RECK: variants seen among roughly 807,000 people sequenced by gnomAD.
RECK encodes the protein reversion-inducing cysteine-rich protein with Kazal motifs.
In RECK, 69 loss-of-function variants were observed where a neutral mutation model predicts 115.1. That is an observed-to-expected ratio of 0.60 (90% confidence interval 0.49 to 0.73). The LOEUF is 0.73. RECK is among the 30% of genes least tolerant of loss of function. The pLI is 0.00. For synonymous variants in RECK, 414 were observed against 419.7 expected (o/e 0.99, Z 0.17); for missense variants, 1,047 against 1,203.7 (o/e 0.87, Z 1.93).
chr9:36,037,205 G>T, intron 1 of RECK, 107 bp downstream of exon 1: 1 of 474,188 alleles, frequency 2.1e-6, no homozygotes, highest in East Asian at 6.5e-5. Flanking sequence ...CCCAGACCCT[G>T]CCCACGTCCG....
Position 36,068,527 on chromosome 9 carries a change from G to A in RECK, c.405+2903G>A, listed in dbSNP as rs556411551. Among the ~76,000 whole-genome samples the A allele has an allele frequency of 2.0e-4, 31 of 152,294 alleles. No homozygotes were observed. In the East Asian group the frequency reaches 3.5e-3, roughly 17 times the overall value. ...GATGAATTTGCTGGAAAGAAAATACGGAATGCTCAAGCCAAAAACTAAATG... is the reference window on the plus strand; with the variant it reads ...GATGAATTTGCTGGAAAGAAAATACAGAATGCTCAAGCCAAAAACTAAATG... On this transcript the variant is annotated intron_variant, in intron 6 of 20. Transcript: ENST00000377966.
At chr9:36,099,885 A>C (rs1823498296) in intron 10 of RECK, among the ~76,000 whole-genome samples, 1 of 152,170 alleles carries the variant, frequency 6.6e-6, no homozygotes, top group Non-Finnish European at 1.5e-5. Context: ...GGCACAAGGG[A>C]ACTGGCTGAA....
chr9:36,112,174 C>A, intron 15 of RECK, 131 bp from the exon 16 acceptor site: 1 of 558,206 alleles, frequency 1.8e-6, no homozygotes, highest in African/African-American at 2.0e-5. Context: ...GAAGGTTTTT[C>A]CTGACTTAAT....
chr9:36,051,605 T>C (rs1008869563), intron 1 of RECK, among the ~76,000 whole-genome samples: 2 of 152,224 alleles, frequency 1.3e-5, no homozygotes, highest in African/African-American at 4.8e-5. Context: ...ACGGTTAACC[T>C]GCCTTTCTGA....
intron 10 of RECK, among the ~76,000 whole-genome samples, chr9:36,097,716 G>C (rs1823407711): frequency 6.6e-6 from 1 of 152,116 alleles, no homozygotes; most frequent in Non-Finnish European, 1.5e-5. Context: ...GTGTTGAAGA[G>C]ATATTTCACT....
intron 6 of RECK, among the ~76,000 whole-genome samples, chr9:36,074,241 T>C (rs1459536569): frequency 6.6e-6 from 1 of 152,230 alleles, no homozygotes; most frequent in African/African-American, 2.4e-5. Context: ...TATGTTTACA[T>C]GTCTCTTTTT....
In RECK at chr9:36,110,028, C is replaced by T. The variant is rs761568638; in HGVS notation, c.1837C>T (p.Arg613Cys). Residue 613 changes from arginine (R) to cysteine (C), a missense_variant, in exon 15 of 21, where the codon CGC becomes TGC. Transcript: ENST00000377966. ...CFAGNLVCST[R>C]LCLSEHSSED... ...TGCTGGCAATTTGGTGTGCTCTACC[C>T]GCCTTTGCCTCAGTGAGCACAGTTC... 2.5e-6 allele frequency: 4 copies of T among 1,613,790 alleles called. No individual in the cohort carries two copies. The highest frequency in any genetic ancestry group is 1.7e-5 in the Admixed American group (1 of 59,990).
At chr9:36,117,214 G>A (rs537046601) in intron 17 of RECK, 37 bp downstream of exon 17, 22 of 1,487,954 alleles carry the variant, frequency 1.5e-5, no homozygotes, top group Middle Eastern at 1.8e-4. Context: ...AGTACACTAC[G>A]GATAAAATTG....
intron 1 of RECK, 151 bp downstream of exon 1, chr9:36,037,249 A>C (rs902907063): frequency 1.4e-5 from 6 of 433,846 alleles, no homozygotes; most frequent in African/African-American, 8.3e-5. Context: ...AGCGCTCCAG[A>C]GGCTGGTGCC....
intron 1 of RECK, among the ~76,000 whole-genome samples, chr9:36,050,653 AG>A (rs1474180479): frequency 6.6e-6 from 1 of 152,158 alleles, no homozygotes; most frequent in Non-Finnish European, 1.5e-5. Context: ...TCAGAGTAAA[AG>A]CCAAAGTTCT....
chr9:36,049,954 C>G (rs1821221161), intron 1 of RECK, among the ~76,000 whole-genome samples: 1 of 151,686 alleles, frequency 6.6e-6, no homozygotes, highest in African/African-American at 2.4e-5. Context: ...TGGTTAACAT[C>G]TTCTTGAAAC....
chr9:36,111,477 T>C (rs1292750981), intron 15 of RECK, among the ~76,000 whole-genome samples: 1 of 152,150 alleles, frequency 6.6e-6, no homozygotes, highest in Non-Finnish European at 1.5e-5. Context: ...CACCACAAAC[T>C]CCGCCTCCTG....
intron 2 of RECK, among the ~76,000 whole-genome samples, chr9:36,058,499 T>C (rs1261448662): frequency 2.0e-5 from 2 of 98,078 alleles, no homozygotes. Flanking sequence ...CTGGGGACTG[T>C]TGTGGGGTGG....
At chr9:36,045,407 T>G (rs1821032959) in intron 1 of RECK, among the ~76,000 whole-genome samples, 1 of 152,256 alleles carries the variant, frequency 6.6e-6, no homozygotes, top group South Asian at 2.1e-4. Context: ...TTAAATTAAT[T>G]TTTTAAATTT....
At chr9:36,102,437 T>G (rs573182253) in intron 12 of RECK, among the ~76,000 whole-genome samples, 2 of 152,298 alleles carry the variant, frequency 1.3e-5, no homozygotes, top group South Asian at 4.1e-4. Context: ...AGTGATTCTA[T>G]CAGTCTGAGG....
At chr9:36,045,935 A>C (rs1005229331) in intron 1 of RECK, among the ~76,000 whole-genome samples, 10 of 152,124 alleles carry the variant, frequency 6.6e-5, no homozygotes, top group South Asian at 2.1e-4. Flanking sequence ...TCTTAAGCCC[A>C]AAAAATGTGG....
intron 1 of RECK, among the ~76,000 whole-genome samples, chr9:36,043,134 C>T (rs1351357128): frequency 4.8e-5 from 7 of 145,104 alleles, no homozygotes; most frequent in African/African-American, 1.8e-4. Context: ...ACGCCATTCT[C>T]CTGCCTCAGC....
intron 1 of RECK, among the ~76,000 whole-genome samples, chr9:36,043,863 G>C (rs1304491708): frequency 6.6e-6 from 1 of 152,052 alleles, no homozygotes; most frequent in African/African-American, 2.4e-5. Flanking sequence ...TCTCTATTCT[G>C]TTCCTATGTG....
At chr9:36,065,117 A>G (rs1821934933) in intron 5 of RECK, among the ~76,000 whole-genome samples, 1 of 151,634 alleles carries the variant, frequency 6.6e-6, no homozygotes, top group South Asian at 2.1e-4. Context: ...TCCGTTATAT[A>G]CTCAGCAAGT....
Sources: allele counts gnomAD v4.1 joint callset (sites outside exome capture counted in the v4.1 genomes callset), GRCh38; gene constraint gnomAD v4.1.1; transcripts MANE v1.5; gene names NCBI Gene and HGNC (gene_info 2026-07-23, HGNC 2026-07-21).